PACSIN3: variants seen among roughly 807,000 people sequenced by gnomAD.
PACSIN3 encodes protein kinase C and casein kinase substrate in neurons 3, also known as protein kinase C and casein kinase substrate in neurons protein 3.
In PACSIN3, 34 loss-of-function variants were observed where a neutral mutation model predicts 56.1. The observed-to-expected ratio is 0.61, with a 90% CI of 0.46 to 0.81. The LOEUF (loss-of-function observed/expected upper bound fraction) is 0.81. PACSIN3 is among the 30% of genes least tolerant of loss of function. The pLI, the probability that PACSIN3 is intolerant of heterozygous loss-of-function variation, is 0.00. For missense variants in PACSIN3, 535 were observed against 592.4 expected (o/e 0.90, Z 1.01); for synonymous variants, 218 against 229.8 (o/e 0.95, Z 0.46).
rs141969490 is a variant in PACSIN3 at position 47,178,432 on chromosome 11, C to T, written c.1093G>A (p.Gly365Arg). 7.1e-5 allele frequency: 114 copies of T among 1,614,056 alleles called. No homozygotes were observed. Among genetic ancestry groups the T allele is most frequent in the East Asian group, 8.9e-5 (4 of 44,882 alleles). Residue 365 changes from glycine (G) to arginine (R), a missense_variant, in exon 10 of 11, where the codon GGG (glycine) becomes AGG (arginine). By Grantham distance (125) the Gly-to-Arg change is moderately radical. Coordinates refer to ENST00000298838, the MANE Select transcript of PACSIN3 (RefSeq NM_016223.5). This position sits in a 1 kb window ranked among gnomAD's most constrained non-coding sequence, Gnocchi z 4.2. The part of the protein sequence containing the change: ...DEESPRKAAT[G>R]VRVRALYDYA... The stretch of plus-strand genomic sequence containing the variant: ...TCATAGAGTGCCCTCACCCGAACCC[C>T]GGTGGCAGCCTTCCGGGGACTCTCT...
Position 47,177,595 on chromosome 11 carries a change from G to A in PACSIN3, c.*336C>T. The A allele has an allele frequency of 2.9e-6, 1 of 349,830 alleles. No individual in the cohort carries two copies. The highest frequency in any genetic ancestry group is 3.4e-5 in the South Asian group (1 of 29,058). The allele number at this position is 349,830 out of a possible 1,614,324, so 21.7% of individuals were successfully genotyped here. ...CTAGAACAAGCCACAAGAGGGTGCT[G>A]CTAGGCCAGAACTACACTCACCCCA... On this transcript the variant is annotated 3_prime_UTR_variant, in exon 11 of 11. Coordinates refer to ENST00000298838, the MANE Select transcript of PACSIN3 (RefSeq NM_016223.5).
chr11:47,185,252 C>G (rs1182345961), intron 1 of PACSIN3: 2 of 152,324 alleles, frequency 1.3e-5, no homozygotes, highest in Admixed American at 6.5e-5. Context: ...TCAGGGAAGA[C>G]CCAGTCTCCC....
Position 47,179,304 on chromosome 11 carries a change from G to C in PACSIN3, c.780-25C>G. 6.2e-7 allele frequency: 1 copy of C among 1,614,020 alleles called. No homozygotes were observed. The highest frequency in any genetic ancestry group is 8.5e-7 in the Non-Finnish European group (1 of 1,180,030). Reference sequence around the variant, plus strand: ...CCTATGACCCAAGGCACACCCCTCAGTCTAGGAAGTCTAGACCCTGCATCC... The same window carrying C: ...CCTATGACCCAAGGCACACCCCTCACTCTAGGAAGTCTAGACCCTGCATCC... On this transcript the variant is annotated intron_variant, in intron 7 of 10. Transcript: ENST00000298838. This position sits in a 1 kb window ranked among gnomAD's most constrained non-coding sequence, Gnocchi z 4.4.
At chr11:47,183,631 C>T (rs1046454244) in intron 1 of PACSIN3, among the ~76,000 whole-genome samples, 4 of 152,194 alleles carry the variant, frequency 2.6e-5, no homozygotes, top group Non-Finnish European at 4.4e-5. Context: ...ACTGAGGGCC[C>T]GCAAGGCTCC....
chr11:47,179,246 G>A lies in PACSIN3; in HGVS notation c.813C>T (p.Gly271=), dbSNP rs770041815. The A allele has an allele frequency of 3.7e-6, 6 of 1,613,918 alleles. No homozygotes were observed. In the Admixed American group the frequency reaches 5.0e-5, roughly 13 times the overall value. The change falls in exon 8 of 11, where the codon GGC becomes GGT. Residue 271 remains glycine (G), a synonymous_variant. Transcript: ENST00000298838. This position sits in a 1 kb window ranked among gnomAD's most constrained non-coding sequence, Gnocchi z 4.4. ...CCTCTTCGTCACTGGCTGCCTCAAT[G>A]CCCTGGTGCAAGTCACGGTGGAGTT... ...FHELHRDLHQ[G]IEAASDEEDL...
intron 6 of PACSIN3, 73 bp downstream of exon 6, chr11:47,180,113 T>C: frequency 7.1e-7 from 1 of 1,401,498 alleles, no homozygotes. Context: ...CTGGACAAGA[T>C]GTTCAGGGAG....
At chr11:47,182,161 A>G (rs1953037146) in intron 4 of PACSIN3, among the ~76,000 whole-genome samples, 1 of 151,612 alleles carries the variant, frequency 6.6e-6, no homozygotes, top group Non-Finnish European at 1.5e-5. Flanking sequence ...AAAAAAAAAG[A>G]AAGGAAAGAA....
Position 47,179,185 on chromosome 11 carries a change from T to C in PACSIN3, c.874A>G (p.Met292Val). The part of the protein sequence containing the change: ...RWWRSTHGPG[M>V]AMNWPQFEEW... ...TCGAACTGTGGCCAGTTCATGGCCA[T>C]GCCTGGCCCGTGGGTGCTGCGCCAC... Residue 292 changes from methionine (M) to valine (V), a missense_variant, in exon 8 of 11, where the codon ATG becomes GTG. Met to Val is a conservative substitution (Grantham distance 21). Transcript: ENST00000298838. The surrounding 1 kb of genome is among the most constrained non-coding windows in gnomAD (Gnocchi z 4.4). 1 of 1,613,830 alleles carries C rather than the reference T, an allele frequency of 6.2e-7. No individual in the cohort carries two copies. Among genetic ancestry groups the C allele is most frequent in the Non-Finnish European group, 8.5e-7 (1 of 1,179,988 alleles).
rs755038583 is a variant in PACSIN3 at position 47,182,686 on chromosome 11, G to A, written c.42C>T (p.Gly14=). ...CCCAGCTGCTCACCTCCCAGAAACTGCCCCCTAAGGCCTCCCCTCCAGCGT... is the reference window on the plus strand; with the variant it reads ...CCCAGCTGCTCACCTCCCAGAAACTACCCCCTAAGGCCTCCCCTCCAGCGT... ...EEDAGGEALG[G]SFWEAGNYRR... Residue 14 remains glycine (G), a synonymous_variant, in exon 3 of 11, where the codon GGC becomes GGT. Coordinates refer to ENST00000298838, the MANE Select transcript of PACSIN3 (RefSeq NM_016223.5). 1 of 1,611,982 alleles carries A rather than the reference G, an allele frequency of 6.2e-7. No homozygotes were observed. The highest frequency in any genetic ancestry group is 1.1e-5 in the South Asian group (1 of 90,688).
rs373549869 is a variant in PACSIN3 at position 47,178,474 on chromosome 11, C to T, written c.1051G>A (p.Glu351Lys). ...SPGSPGTGQD[E>K]EWSDEESPRK... is the part of the protein sequence containing the mutation. ...GGACTCTCTTCATCTGACCACTCCT[C>T]ATCCTGCCCCGTGCTGGAGAGGGGA... The change falls in exon 10 of 11, where the codon GAG (glutamate) becomes AAG (lysine). Residue 351 changes from glutamate to lysine, a missense_variant. Glu to Lys is a moderately conservative substitution (Grantham distance 56). Transcript: ENST00000298838. The surrounding 1 kb of genome is among the most constrained non-coding windows in gnomAD (Gnocchi z 4.2). The T allele has an allele frequency of 1.2e-6, 2 of 1,613,658 alleles. No homozygotes were observed. The highest frequency in any genetic ancestry group is 1.6e-4 in the Middle Eastern group (1 of 6,084).
At chr11:47,180,764 G>C in intron 4 of PACSIN3, 74 bp from the exon 5 acceptor site, 2 of 1,134,144 alleles carry the variant, frequency 1.8e-6, no homozygotes, top group Non-Finnish European at 2.5e-6. Context: ...CACTGGGTGT[G>C]AGGCATGGAG....
chr11:47,178,910 A>T lies in PACSIN3; in HGVS notation c.1021T>A (p.Ser341Thr). ...TRDGTAPPPQ[S>T]PGSPGTGQDE... Reference sequence around the variant, plus strand: ...GGCTCTCACCCTGGGGACCCCGGGGACTGGGGTGGGGGTGCGGTGCCATCT... The same window carrying T: ...GGCTCTCACCCTGGGGACCCCGGGGTCTGGGGTGGGGGTGCGGTGCCATCT... Residue 341 changes from serine (S) to threonine (T), a missense_variant, in exon 9 of 11, where the codon TCC becomes ACC. Coordinates refer to ENST00000298838, the MANE Select transcript of PACSIN3 (RefSeq NM_016223.5). This position sits in a 1 kb window ranked among gnomAD's most constrained non-coding sequence, Gnocchi z 4.2. The T allele has an allele frequency of 6.2e-7, 1 of 1,613,792 alleles. No homozygotes were observed. Among genetic ancestry groups the T allele is most frequent in the Non-Finnish European group, 8.5e-7 (1 of 1,179,940 alleles).
Position 47,179,632 on chromosome 11 carries a change from C to T in PACSIN3, c.604-46G>A, listed in dbSNP as rs1354878992. 2.5e-6 allele frequency: 4 copies of T among 1,580,214 alleles called. No individual in the cohort carries two copies. Among genetic ancestry groups the T allele is most frequent in the Non-Finnish European group, 3.4e-6 (4 of 1,160,886 alleles). ...CTGGTGAGAACCAGACCTTCTTCCA[C>T]CCAGGACTCCACCAGTGTTTACCAG... On this transcript the variant is annotated intron_variant, in intron 6 of 10. Coordinates refer to ENST00000298838, the MANE Select transcript of PACSIN3 (RefSeq NM_016223.5). This position sits in a 1 kb window ranked among gnomAD's most constrained non-coding sequence, Gnocchi z 4.4.
chr11:47,178,053 G>A lies in PACSIN3; in HGVS notation c.1160-7C>T. The A allele has an allele frequency of 6.2e-7, 1 of 1,610,176 alleles. No homozygotes were observed. Among genetic ancestry groups the A allele is most frequent in the Non-Finnish European group, 8.5e-7 (1 of 1,176,988 alleles). ...ATCTTCAGCAGCTCCTCCCCTGGGGGAAAGGGGATTGGTCACTGCCAGTGG... is the reference window on the plus strand; with the variant it reads ...ATCTTCAGCAGCTCCTCCCCTGGGGAAAAGGGGATTGGTCACTGCCAGTGG... On this transcript the variant is annotated splice_region_variant and splice_polypyrimidine_tract_variant and intron_variant, in intron 10 of 10. Coordinates refer to ENST00000298838, the MANE Select transcript of PACSIN3 (RefSeq NM_016223.5). This position sits in a 1 kb window ranked among gnomAD's most constrained non-coding sequence, Gnocchi z 4.2.
At position 47,182,737 on chromosome 11, in the gene PACSIN3, G is replaced by A. The variant is rs367920822; in HGVS notation, c.-10C>T. ...CCTCTTCTGGAGCCATGGTGTCCCC[G>A]CAGCACGGAATGGTGGCGGATTTGG... On this transcript the variant is annotated 5_prime_UTR_variant, in exon 3 of 11. Transcript: ENST00000298838. The A allele has an allele frequency of 1.0e-4, 166 of 1,609,832 alleles. No homozygotes were observed. The highest frequency in any genetic ancestry group is 1.7e-4 in the Middle Eastern group (1 of 6,058).
In PACSIN3 at chr11:47,179,656, AG is replaced by A; in HGVS notation, c.604-71del. 10 of 1,494,260 alleles carry A rather than the reference AG, an allele frequency of 6.7e-6. No homozygotes were observed. Among genetic ancestry groups the A allele is most frequent in the Non-Finnish European group, 9.1e-6 (10 of 1,094,942 alleles). The allele number at this position is 1,494,260 out of a possible 1,614,324, so 92.6% of individuals were successfully genotyped here. ...ACCCAGGACTCCACCAGTGTTTACC[AG>A]ACACTGCCATAGGCTGCTAGACCCA... On this transcript the variant is annotated intron_variant, in intron 6 of 10. Transcript: ENST00000298838. The surrounding 1 kb of genome is among the most constrained non-coding windows in gnomAD (Gnocchi z 4.4).
chr11:47,180,742 C>A, intron 4 of PACSIN3, 52 bp from the exon 5 acceptor site: 1 of 1,451,010 alleles, frequency 6.9e-7, no homozygotes, highest in South Asian at 1.3e-5. Flanking sequence ...CCAAAATGAG[C>A]CTAGCCCCTC....
rs1171639549 is a variant in PACSIN3, at chr11:47,177,964, G to T, written c.1242C>A (p.Tyr414Ter). The part of the protein sequence containing the change: ...GQLQSGRIGL[Y>*]PANYVECVGA Reference sequence around the variant, plus strand: ...CCACACACTCCACGTAGTTGGCAGGGTACAGGCCAATGCGGCCACTCTGCA... The same window carrying T: ...CCACACACTCCACGTAGTTGGCAGGTTACAGGCCAATGCGGCCACTCTGCA... The change falls in exon 11 of 11, where the codon TAC (tyrosine) becomes TAA (stop). Residue 414 changes from tyrosine to a stop codon, truncating the protein, a stop_gained. Transcript: ENST00000298838. LOFTEE classifies it high-confidence loss of function. 1 of 1,613,930 alleles carries T rather than the reference G, an allele frequency of 6.2e-7. No homozygotes were observed. The highest frequency in any genetic ancestry group is 1.3e-5 in the African/African-American group (1 of 74,930).
In PACSIN3 at chr11:47,177,864, G is replaced by A. The variant is rs532192616; in HGVS notation, c.*67C>T. 33 of 1,261,728 alleles carry A rather than the reference G, an allele frequency of 2.6e-5. No homozygotes were observed. The African/African-American group carries it at 3.2e-4, about 12-fold the overall frequency. 78.2% of individuals were successfully genotyped at this position (1,261,728 alleles called of 1,614,324 possible). A position where few individuals can be genotyped will look rare whatever the true frequency, so the allele number is the denominator to read the frequency against. ...CGACGGTTCAGGGCCCTGAGGGTCC[G>A]GCTCTCCAGGAGAAGCTGGGCTCTG... On this transcript the variant is annotated 3_prime_UTR_variant, in exon 11 of 11. Coordinates refer to ENST00000298838, the MANE Select transcript of PACSIN3 (RefSeq NM_016223.5).
Sources: allele counts gnomAD v4.1 joint callset (sites outside exome capture counted in the v4.1 genomes callset), GRCh38; gene constraint gnomAD v4.1.1; non-coding constraint Gnocchi (gnomAD v3.1); transcripts MANE v1.5; gene names NCBI Gene and HGNC (gene_info 2026-07-23, HGNC 2026-07-21).